ZNF562: variants seen among roughly 807,000 people sequenced by gnomAD.
The protein encoded by ZNF562 is zinc finger protein 562.
A neutral mutation model predicts 17.5 loss-of-function variants in ZNF562; 13 were observed. The ratio of observed to expected loss-of-function variants is 0.74; its 90% CI spans 0.48 to 1.18. The LOEUF (loss-of-function observed/expected upper bound fraction) is 1.18, where lower values mean the gene tolerates loss of function less well. ZNF562 is among the 50% of genes most tolerant of loss of function. The probability of loss-of-function intolerance (pLI) is 0.00; values close to 1 mark genes in which losing one functional copy is unlikely to be tolerated. For synonymous variants in ZNF562, 163 were observed against 165.4 expected (o/e 0.99, Z 0.11); for missense variants, 481 against 498.5 (o/e 0.96, Z 0.33).
intron 2 of ZNF562, among the ~76,000 whole-genome samples, chr19:9,659,893 A>G (rs981167961): frequency 7.4e-6 from 1 of 134,438 alleles, no homozygotes; most frequent in African/African-American, 2.8e-5. Context: ...GGCATTCAAG[A>G]CCAGCCTGGC....
At position 9,653,679 on chromosome 19, in the gene ZNF562, A is replaced by T. The variant is rs1466394151; in HGVS notation, c.551T>A (p.Val184Asp). Residue 184 changes from valine to aspartate, a missense_variant, in exon 6 of 6, where the codon GTC (valine) becomes GAC (aspartate). Transcript: ENST00000453372. ...AGCAAGGCCTGGAGTTAAGGTGAAGACTTTTCCACATGGATTAAATTTGGA... is the reference window on the plus strand; with the variant it reads ...AGCAAGGCCTGGAGTTAAGGTGAAGTCTTTTCCACATGGATTAAATTTGGA... Reference protein sequence around the residue: ...ELSKFNPCGKVFTLTPGLAVH... With the variant: ...ELSKFNPCGKDFTLTPGLAVH... 3 of 1,614,110 alleles carry T rather than the reference A, an allele frequency of 1.9e-6. No homozygotes were observed. The highest frequency in any genetic ancestry group is 1.7e-5 in the Admixed American group (1 of 60,020).
intron 2 of ZNF562, among the ~76,000 whole-genome samples, 158 bp downstream of exon 2, chr19:9,660,562 T>G (rs1379379907): frequency 6.7e-6 from 1 of 150,042 alleles, no homozygotes; most frequent in Non-Finnish European, 1.5e-5. Flanking sequence ...GCTAAGATCA[T>G]GCCATTGCAC....
At chr19:9,659,329 C>T (rs2043635061) in intron 3 of ZNF562, 50 bp downstream of exon 3, 1 of 1,465,446 alleles carries the variant, frequency 6.8e-7, no homozygotes, top group Non-Finnish European at 9.3e-7. Context: ...ATGTGTCTAC[C>T]TATTGGATGT....
Position 9,662,605 on chromosome 19 carries a change from G to A in ZNF562, c.-130-1731C>T, listed in dbSNP as rs560455069. Among the ~76,000 whole-genome samples the A allele has an allele frequency of 1.2e-3, 180 of 151,988 alleles. 1 individual carries two copies. The highest frequency in any genetic ancestry group is 3.1e-4 in the Non-Finnish European group (21 of 67,940). Reference sequence around the variant, plus strand: ...AAAGAAAATATAGACAACAGGCCAGGCACAGTGGCTCACGCCTGTAATCCC... The same window carrying A: ...AAAGAAAATATAGACAACAGGCCAGACACAGTGGCTCACGCCTGTAATCCC... On this transcript the variant is annotated intron_variant, in intron 1 of 5. Transcript: ENST00000453372.
At chr19:9,668,713 T>C (rs948712332) in intron 1 of ZNF562, among the ~76,000 whole-genome samples, 1 of 152,014 alleles carries the variant, frequency 6.6e-6, no homozygotes, top group Non-Finnish European at 1.5e-5. Flanking sequence ...CTTCAAAATA[T>C]ACTACAAAGC....
In ZNF562 at chr19:9,643,670, T is replaced by C. The variant is rs1335503251; in HGVS notation, c.*9279A>G. On this transcript the variant is annotated 3_prime_UTR_variant, in exon 6 of 6. Transcript: ENST00000453372. ...GATCTTGGCTCACTGCATTTTTTAA[T>C]TTTTAAGTTTTTTGTAGATGGGGGG... 1 of 143,928 alleles carries C rather than the reference T, an allele frequency of 6.9e-6. No homozygotes were observed. Among genetic ancestry groups the C allele is most frequent in the Non-Finnish European group, 1.5e-5 (1 of 67,878 alleles). The allele number at this position is 143,928 out of a possible 1,614,324, so 8.9% of individuals were successfully genotyped here.
At chr19:9,666,412 T>A (rs185722566) in intron 1 of ZNF562, among the ~76,000 whole-genome samples, 1 of 150,744 alleles carries the variant, frequency 6.6e-6, no homozygotes, top group East Asian at 1.9e-4. Context: ...AAAGCAGTAC[T>A]AAGGGAGAAT....
Position 9,653,268 on chromosome 19 carries a change from C to T in ZNF562, c.962G>A (p.Cys321Tyr). 1.9e-6 allele frequency: 3 copies of T among 1,614,194 alleles called. No individual in the cohort carries two copies. Among genetic ancestry groups the T allele is most frequent in the Non-Finnish European group, 2.5e-6 (3 of 1,180,040 alleles). ...AGTTGATCTAGTGAAGGCTTTCCCA[C>T]ATTCCGTACATTTGTGTGGTTTTAT... ...TGIKPHKCTECGKAFTRSTHL... is the reference protein window; with the variant it reads ...TGIKPHKCTEYGKAFTRSTHL... The change falls in exon 6 of 6, where the codon TGT becomes TAT. Residue 321 changes from cysteine to tyrosine, a missense_variant. Around this residue, in one of 2 missense-constraint regions of ZNF562, gnomAD observed 403 missense variants for 386.4 expected, o/e 1.04. Coordinates refer to ENST00000453372, the MANE Select transcript of ZNF562 (RefSeq NM_001130031.2).
At position 9,641,901 on chromosome 19, in the gene ZNF562, T is replaced by C. The variant is rs151150453; in HGVS notation, c.*11048A>G. 6.6e-6 allele frequency: 1 copy of C among 152,238 alleles called. No individual in the cohort carries two copies. Among genetic ancestry groups the C allele is most frequent in the East Asian group, 1.9e-4 (1 of 5,168 alleles). The allele number at this position is 152,238 out of a possible 1,614,324, so 9.4% of individuals were successfully genotyped here. On this transcript the variant is annotated 3_prime_UTR_variant, in exon 6 of 6. Coordinates refer to ENST00000453372, the MANE Select transcript of ZNF562 (RefSeq NM_001130031.2). Reference sequence around the variant, plus strand: ...GTGGTGGGATTATCATTAGTTCTCATAGGTTTGGGATAAGCGGTGGAGTTA... The same window carrying C: ...GTGGTGGGATTATCATTAGTTCTCACAGGTTTGGGATAAGCGGTGGAGTTA...
chr19:9,643,023 C>T lies in ZNF562; in HGVS notation c.*9926G>A. On this transcript the variant is annotated 3_prime_UTR_variant, in exon 6 of 6. Transcript: ENST00000453372. ...CACCACTGCACTCCAGCCTAGGTGA[C>T]ATGGCAAGACACTGTCTCTGGAAAA... 7.3e-6 allele frequency: 1 copy of T among 137,872 alleles called. No individual in the cohort carries two copies. Among genetic ancestry groups the T allele is most frequent in the African/African-American group, 2.7e-5 (1 of 36,490 alleles). 8.5% of individuals were successfully genotyped at this position (137,872 alleles called of 1,614,324 possible). A position where few individuals can be genotyped will look rare whatever the true frequency, so the allele number is the denominator to read the frequency against.
At chr19:9,657,775 C>T (rs1165787775) in intron 4 of ZNF562, among the ~76,000 whole-genome samples, 1 of 151,970 alleles carries the variant, frequency 6.6e-6, no homozygotes, top group East Asian at 1.9e-4. Context: ...TCTTGATTTC[C>T]TGACCTTGTG....
At position 9,653,001 on chromosome 19, in the gene ZNF562, A is replaced by G; in HGVS notation, c.1229T>C (p.Ile410Thr). 2 of 1,531,768 alleles carry G rather than the reference A, an allele frequency of 1.3e-6. No individual in the cohort carries two copies. The highest frequency in any genetic ancestry group is 1.8e-6 in the Non-Finnish European group (2 of 1,141,104). The allele number at this position is 1,531,768 out of a possible 1,614,324, so 94.9% of individuals were successfully genotyped here. Residue 410 changes from isoleucine (I) to threonine (T), a missense_variant, in exon 6 of 6, where the codon ATT (isoleucine) becomes ACT (threonine). Physicochemically the swap from Ile to Thr is moderately conservative, Grantham distance 89 (BLOSUM62 -1). Around this residue, in one of 2 missense-constraint regions of ZNF562, gnomAD observed 78 missense variants for 112.0 expected, o/e 0.70. Transcript: ENST00000453372. ...YECVECGKTFITSSHRSKHLK... is the reference protein window; with the variant it reads ...YECVECGKTFTTSSHRSKHLK... Reference sequence around the variant, plus strand: ...ATGTTTACTACGATGGGAAGAAGTAATGAAGGTCTTCCCACATTCAACACA... The same window carrying G: ...ATGTTTACTACGATGGGAAGAAGTAGTGAAGGTCTTCCCACATTCAACACA...
chr19:9,656,829 C>G (rs1274204067), intron 4 of ZNF562, among the ~76,000 whole-genome samples, 176 bp from the exon 5 acceptor site: 1 of 150,378 alleles, frequency 6.6e-6, no homozygotes, highest in East Asian at 1.9e-4. Flanking sequence ...TCAAGACCAT[C>G]CTGACCAAAA....
At chr19:9,674,929 T>A (rs1260659018) in intron 1 of ZNF562, 86 bp downstream of exon 1, 1 of 152,460 alleles carries the variant, frequency 6.6e-6, no homozygotes, top group Non-Finnish European at 1.5e-5. Flanking sequence ...ACTAGGCGGA[T>A]CTGAGAGGCT....
At chr19:9,668,105 A>G (rs563164368) in intron 1 of ZNF562, among the ~76,000 whole-genome samples, 23 of 152,182 alleles carry the variant, frequency 1.5e-4, no homozygotes, top group Admixed American at 7.9e-4. Context: ...ACCAGGCATG[A>G]TGACTCACAA....
At chr19:9,656,722 A>G in intron 4 of ZNF562, 69 bp from the exon 5 acceptor site, 1 of 1,522,116 alleles carries the variant, frequency 6.6e-7, no homozygotes, top group South Asian at 1.1e-5. Context: ...AATTAAACAC[A>G]GTATGAAAAT....
At chr19:9,657,901 T>C in intron 4 of ZNF562, 108 bp downstream of exon 4, 1 of 1,390,340 alleles carries the variant, frequency 7.2e-7, no homozygotes, top group South Asian at 1.6e-5. Flanking sequence ...ATGTTGCCCA[T>C]GCTAGTATCA....
intron 4 of ZNF562, among the ~76,000 whole-genome samples, chr19:9,657,796 C>A (rs2043568763): frequency 6.6e-6 from 1 of 151,680 alleles, no homozygotes; most frequent in Non-Finnish European, 1.5e-5. Context: ...ATCTGCCTGC[C>A]TCAGCCTTCC....
At chr19:9,662,405 C>G (rs1202545236) in intron 1 of ZNF562, among the ~76,000 whole-genome samples, 1 of 151,858 alleles carries the variant, frequency 6.6e-6, no homozygotes, top group African/African-American at 2.4e-5. Flanking sequence ...AAAACCCTGT[C>G]TCTACTAAAA....
Sources: gnomAD v4.1 joint callset for allele counts (sites outside exome capture counted in the v4.1 genomes callset) on GRCh38, gnomAD v4.1.1 for gene constraint, gnomAD v4.1.1 regional missense constraint, MANE v1.5 for transcripts, NCBI Gene and HGNC (gene_info 2026-07-23, HGNC 2026-07-21) for gene names.